CLIP1: variants seen among roughly 807,000 people sequenced by gnomAD.
CLIP1 encodes the protein CAP-Gly domain containing linker protein 1.
CLIP1 carries 66 observed loss-of-function variants against 161.6 expected under a neutral mutation model. The observed-to-expected ratio is 0.41, with a 90% confidence interval of 0.33 to 0.50. CLIP1 has a LOEUF of 0.50. Ranked by LOEUF, CLIP1 falls within the 20% of genes least tolerant of loss-of-function variation. The pLI is 0.27. For synonymous variants in CLIP1, 598 were observed against 626.2 expected (o/e 0.96, Z 0.67); for missense variants, 1,376 against 1,702.0 (o/e 0.81, Z 3.37).
At chr12:122,408,534 G>A (rs1341861439) in intron 1 of CLIP1, among the ~76,000 whole-genome samples, 1 of 151,842 alleles carries the variant, frequency 6.6e-6, no homozygotes, top group Non-Finnish European at 1.5e-5. Context: ...ATTTTTAGTG[G>A]AGACAGGGTT....
In CLIP1 at chr12:122,341,717, G is replaced by GAAAA; in HGVS notation, c.1507-24_1507-21dup. ...AGCCACCTATTAACAGCAGTCCAAA[G>GAAAA]AAAAAAAGATCATTTAAATAACAAG... On this transcript the variant is annotated intron_variant, in intron 10 of 25. Transcript: ENST00000620786. The GAAAA allele has an allele frequency of 1.2e-6, 1 of 869,478 alleles. No individual in the cohort carries two copies. Among genetic ancestry groups the GAAAA allele is most frequent in the Non-Finnish European group, 1.5e-6 (1 of 685,246 alleles). The allele number at this position is 869,478 out of a possible 1,614,324, so 53.9% of individuals were successfully genotyped here.
chr12:122,422,715 C>CGCCG (rs1957001751), upstream of CLIP1: 1 of 95,306 alleles, frequency 1.0e-5, no homozygotes, highest in Non-Finnish European at 2.7e-5. Context: ...TCCGCCGCCG[C>CGCCG]GCCCGCCCGG....
At chr12:122,385,198 T>C (rs1342337745) in intron 1 of CLIP1, among the ~76,000 whole-genome samples, 1 of 152,046 alleles carries the variant, frequency 6.6e-6, no homozygotes, top group Middle Eastern at 3.2e-3. Context: ...CCTAAAGTGT[T>C]GGGGTTACAG....
chr12:122,293,017 A>AAAAAAAAAAAAAAAAG (rs1950318287), intron 20 of CLIP1, among the ~76,000 whole-genome samples: 1 of 151,180 alleles, frequency 6.6e-6, no homozygotes, highest in African/African-American at 2.4e-5. Flanking sequence ...AAAAAAAAAA[A>AAAAAAAAAAAAAAAAG]AAAAAGGCAA....
rs1555253880 is a variant in CLIP1, at chr12:122,278,216, G to GGA, written c.3917-14_3917-13insTC. Reference sequence around the variant, plus strand: ...GTGTCTGTATTACCTTATATTTGAGGAAAAAAAAAAAAAAACAAGTGGAGG... The same window carrying GGA: ...GTGTCTGTATTACCTTATATTTGAGGGAAAAAAAAAAAAAAAACAAGTGGAGG... On this transcript the variant is annotated splice_polypyrimidine_tract_variant and intron_variant, in intron 23 of 25. Coordinates refer to ENST00000620786, the MANE Select transcript of CLIP1 (RefSeq NM_001247997.2). 45 of 1,362,994 alleles carry GGA rather than the reference G, an allele frequency of 3.3e-5. 1 individual carries two copies. The highest frequency in any genetic ancestry group is 1.0e-4 in the South Asian group (8 of 77,446). 84.4% of individuals were successfully genotyped at this position (1,362,994 alleles called of 1,614,324 possible). A position where few individuals can be genotyped will look rare whatever the true frequency, so the allele number is the denominator to read the frequency against.
chr12:122,287,282 A>T (rs1955897199), intron 21 of CLIP1, among the ~76,000 whole-genome samples: 1 of 152,214 alleles, frequency 6.6e-6, no homozygotes, highest in South Asian at 2.1e-4. Context: ...AAATAAATAA[A>T]GCCCTCAACT....
In CLIP1 at chr12:122,377,656, T is replaced by G. The variant is rs1162877651; in HGVS notation, c.390A>C (p.Ala130=). The change falls in exon 3 of 26, where the codon GCA becomes GCC. Residue 130 remains alanine (A), a synonymous_variant. Coordinates refer to ENST00000620786, the MANE Select transcript of CLIP1 (RefSeq NM_001247997.2). ...TCTGCAGGCCATTAGCTTCATCTTC[T>G]GCTTGCACCTTCCTTGTTAACTTTG... ...RPSKLTRKVQ[A]EDEANGLQTT... 3 of 1,613,814 alleles carry G rather than the reference T, an allele frequency of 1.9e-6. No homozygotes were observed.
intron 3 of CLIP1, among the ~76,000 whole-genome samples, chr12:122,374,626 G>A (rs1379404404): frequency 6.6e-6 from 1 of 152,122 alleles, no homozygotes; most frequent in Non-Finnish European, 1.5e-5. Context: ...GCTGGGCATG[G>A]TGGTGGGCGC....
intron 18 of CLIP1, 45 bp downstream of exon 18, chr12:122,319,187 T>A (rs115231960): frequency 3.1e-6 from 4 of 1,293,168 alleles, no homozygotes; most frequent in Non-Finnish European, 4.5e-6. Flanking sequence ...TTCTACCAAG[T>A]TGGTAAGCTG....
At chr12:122,356,882 C>T (rs1953407888) in intron 5 of CLIP1, among the ~76,000 whole-genome samples, 2 of 152,246 alleles carry the variant, frequency 1.3e-5, no homozygotes, top group Admixed American at 1.3e-4. Context: ...GCGAGTGATC[C>T]GCCAGCCTCG....
At chr12:122,338,967 A>C (rs900607304) in intron 11 of CLIP1, among the ~76,000 whole-genome samples, 2 of 152,150 alleles carry the variant, frequency 1.3e-5, no homozygotes, top group African/African-American at 4.8e-5. Flanking sequence ...ACCTCACCCC[A>C]TTTAACCATC....
intron 14 of CLIP1, 61 bp downstream of exon 14, chr12:122,333,966 T>C: frequency 2.0e-6 from 2 of 992,038 alleles, no homozygotes; most frequent in African/African-American, 1.6e-5. Flanking sequence ...ATACTACAAC[T>C]GTCTCGAATA....
intron 19 of CLIP1, among the ~76,000 whole-genome samples, chr12:122,315,819 T>A (rs1285355468): frequency 1.3e-5 from 2 of 151,802 alleles, no homozygotes; most frequent in Non-Finnish European, 2.9e-5. Context: ...TTCTTTGTAT[T>A]TTTAGTAGAG....
At chr12:122,327,071 G>A (rs1348618285) in intron 17 of CLIP1, among the ~76,000 whole-genome samples, 1 of 152,090 alleles carries the variant, frequency 6.6e-6, no homozygotes, top group Non-Finnish European at 1.5e-5. Flanking sequence ...ATAAAGAAAG[G>A]TGAATATTTA....
intron 1 of CLIP1, among the ~76,000 whole-genome samples, chr12:122,381,060 C>T (rs1009849111): frequency 6.6e-6 from 1 of 151,946 alleles, no homozygotes; most frequent in African/African-American, 2.4e-5. Flanking sequence ...AACACAAAAA[C>T]AAAAATAAGC....
intron 3 of CLIP1, among the ~76,000 whole-genome samples, chr12:122,368,247 G>A (rs566254651): frequency 2.0e-5 from 3 of 152,256 alleles, no homozygotes; most frequent in Non-Finnish European, 2.9e-5. Flanking sequence ...AGGATAAACA[G>A]AATACAGCGT....
At position 122,380,479 on chromosome 12, in the gene CLIP1, C is replaced by T. The variant is rs1254847868; in HGVS notation, c.-27G>A. On this transcript the variant is annotated 5_prime_UTR_variant, in exon 2 of 26. Coordinates refer to ENST00000620786, the MANE Select transcript of CLIP1 (RefSeq NM_001247997.2). ...TTCTTTGTATGTCAGAGCTGTTTCT[C>T]CTTTGCCTGTTGCCACTATCTTTCC... is the stretch of plus-strand genomic sequence containing the variant. 1 of 1,499,034 alleles carries T rather than the reference C, an allele frequency of 6.7e-7. No individual in the cohort carries two copies. Among genetic ancestry groups the T allele is most frequent in the East Asian group, 2.3e-5 (1 of 44,166 alleles). 92.9% of individuals were successfully genotyped at this position (1,499,034 alleles called of 1,614,324 possible). A position where few individuals can be genotyped will look rare whatever the true frequency, so the allele number is the denominator to read the frequency against.
chr12:122,414,466 T>C (rs1222762703), intron 1 of CLIP1, among the ~76,000 whole-genome samples: 3 of 151,618 alleles, frequency 2.0e-5, no homozygotes, highest in African/African-American at 7.3e-5. Flanking sequence ...CTGTTTTGTT[T>C]TGTTGTTTCT....
At chr12:122,337,006 T>C (rs1952260044) in intron 11 of CLIP1, among the ~76,000 whole-genome samples, 2 of 151,264 alleles carry the variant, frequency 1.3e-5, no homozygotes, top group African/African-American at 2.4e-5. Flanking sequence ...GTCTCCCCTG[T>C]CACCCAGGCT....
Sources: allele counts gnomAD v4.1 joint callset (sites outside exome capture counted in the v4.1 genomes callset), GRCh38; gene constraint gnomAD v4.1.1; transcripts MANE v1.5; gene names NCBI Gene and HGNC (gene_info 2026-07-23, HGNC 2026-07-21).